The following AHR variants were observed in gnomAD, a reference collection of about 807,000 sequenced individuals.
AHR encodes the protein AH-receptor.
AHR carries 40 observed loss-of-function variants against 86.8 expected under a neutral mutation model. The ratio of observed to expected loss-of-function variants is 0.46; its 90% confidence interval spans 0.36 to 0.60. The LOEUF (loss-of-function observed/expected upper bound fraction) is 0.60, where lower values mean the gene tolerates loss of function less well. AHR is among the 20% of genes least tolerant of loss of function. AHR has a pLI of 0.00. For missense variants in AHR, 1,001 were observed against 1,011.6 expected (o/e 0.99, Z 0.14); for synonymous variants, 398 against 354.9 (o/e 1.12, Z -1.37).
chr7:17,339,369 A>AC lies in AHR; in HGVS notation c.1546dup (p.Gln516ProfsTer19). The AC allele has an allele frequency of 6.2e-7, 1 of 1,614,220 alleles. No homozygotes were observed. The highest frequency in any genetic ancestry group is 1.7e-5 in the Admixed American group (1 of 60,028). On this transcript the variant is annotated frameshift_variant, in exon 10 of 11. Transcript: ENST00000242057. ...ACTATCCTGAAACATGAGCAAATTG[A>AC]CCAGCCTCAGGATGTGAACTCATTT...
At chr7:17,333,389 C>T (rs1782320749) in intron 6 of AHR, among the ~76,000 whole-genome samples, 1 of 152,032 alleles carries the variant, frequency 6.6e-6, no homozygotes, top group East Asian at 1.9e-4. Flanking sequence ...TAAATTTCTT[C>T]CATATCTTTA....
rs1356546604 is a variant in AHR, at chr7:17,343,938, A to G, written c.*874A>G. On this transcript the variant is annotated 3_prime_UTR_variant, in exon 11 of 11. Coordinates refer to ENST00000242057, the MANE Select transcript of AHR (RefSeq NM_001621.5). Reference sequence around the variant, plus strand: ...TTAATTATTATAAAAATATTAAGACAATAGCACTTAAATTCCTCAACAGTG... The same window carrying G: ...TTAATTATTATAAAAATATTAAGACGATAGCACTTAAATTCCTCAACAGTG... The G allele has an allele frequency of 6.5e-6, 1 of 152,732 alleles. No homozygotes were observed. The highest frequency in any genetic ancestry group is 2.4e-5 in the African/African-American group (1 of 41,468). 9.5% of individuals were successfully genotyped at this position (152,732 alleles called of 1,614,324 possible). A position where few individuals can be genotyped will look rare whatever the true frequency, so the allele number is the denominator to read the frequency against.
chr7:17,310,114 T>C lies in AHR; in HGVS notation c.244T>C (p.Phe82Leu), dbSNP rs1782047244. ...LSVSYLRAKS[F>L]FDVALKSSPT... ...CGTCAGTTACCTGAGAGCCAAGAGC[T>C]TCTTTGATGGTAAGACAGAAGGGTT... Residue 82 changes from phenylalanine to leucine, a missense_variant, in exon 2 of 11, where the codon TTC (phenylalanine) becomes CTC (leucine). Phe to Leu is a conservative substitution (Grantham distance 22). Around this residue, in one of 2 missense-constraint regions of AHR, gnomAD observed 394 missense variants for 468.5 expected, o/e 0.84. Coordinates refer to ENST00000242057, the MANE Select transcript of AHR (RefSeq NM_001621.5). 6.2e-7 allele frequency: 1 copy of C among 1,613,364 alleles called. No homozygotes were observed. The highest frequency in any genetic ancestry group is 1.7e-5 in the Admixed American group (1 of 59,996).
At position 17,315,928 on chromosome 7, in the gene AHR, G is replaced by A. The variant is rs114366497; in HGVS notation, c.253+5805G>A. 8.4e-3 allele frequency among the ~76,000 whole-genome samples: 1,283 copies of A among 151,894 alleles called. 19 individuals are homozygous for A. Among genetic ancestry groups the A allele is most frequent in the African/African-American group, 0.029 (1,211 of 41,416 alleles). On this transcript the variant is annotated intron_variant, in intron 2 of 10. Coordinates refer to ENST00000242057, the MANE Select transcript of AHR (RefSeq NM_001621.5). ...ATTTAGATTTTAGAGTCATTTTATC[G>A]TCAGAATAACATTTTAAGCCATTAA...
At chr7:17,324,073 G>A (rs1782203045) in intron 3 of AHR, among the ~76,000 whole-genome samples, 1 of 152,092 alleles carries the variant, frequency 6.6e-6, no homozygotes, top group African/African-American at 2.4e-5. Flanking sequence ...CTATGTCAGG[G>A]AAACAGAATA....
rs183291111 is a variant in AHR at position 17,327,496 on chromosome 7, A to C, written c.361-263A>C. ...ATATACAATATATTTAAAAGAGAAA[A>C]TCTGAAACATGAAGAAGATGAATTC... On this transcript the variant is annotated intron_variant, in intron 3 of 10. Transcript: ENST00000242057. Among the ~76,000 whole-genome samples the C allele has an allele frequency of 2.0e-5, 3 of 152,054 alleles. No individual in the cohort carries two copies. The East Asian group carries it at 5.8e-4, about 29-fold the overall frequency.
chr7:17,300,731 T>C (rs1238163754), intron 1 of AHR, among the ~76,000 whole-genome samples: 1 of 152,176 alleles, frequency 6.6e-6, no homozygotes, highest in South Asian at 2.1e-4. Context: ...TTTGTCTTAT[T>C]TGACATTGTC....
At chr7:17,305,260 T>C (rs1461541455) in intron 1 of AHR, among the ~76,000 whole-genome samples, 2 of 152,154 alleles carry the variant, frequency 1.3e-5, no homozygotes, top group African/African-American at 4.8e-5. Context: ...GAAGTTGGGG[T>C]CTATTTGTGC....
intron 9 of AHR, among the ~76,000 whole-genome samples, chr7:17,337,025 C>A (rs758938384): frequency 3.9e-4 from 59 of 151,378 alleles, no homozygotes; most frequent in Non-Finnish European, 6.6e-4. Flanking sequence ...AGCATTACAA[C>A]CCTCATCTTT....
intron 9 of AHR, among the ~76,000 whole-genome samples, chr7:17,336,661 C>T (rs1186247128): frequency 6.6e-6 from 1 of 152,068 alleles, no homozygotes; most frequent in East Asian, 1.9e-4. Flanking sequence ...AATCTTTGAG[C>T]CCATGAACAT....
intron 2 of AHR, among the ~76,000 whole-genome samples, chr7:17,311,372 A>G (rs538210695): frequency 3.1e-4 from 47 of 152,268 alleles, no homozygotes; most frequent in African/African-American, 1.1e-3. Flanking sequence ...CATGTCTAAC[A>G]AGCTCCGAGA....
At position 17,311,677 on chromosome 7, in the gene AHR, A is replaced by C. The variant is rs189583703; in HGVS notation, c.253+1554A>C. ...ATATTTCAAAGTTTCATAGTACACA[A>C]ATTTTCTCTGACCTATATAAAAAGT... is the stretch of plus-strand genomic sequence containing the variant. On this transcript the variant is annotated intron_variant, in intron 2 of 10. Transcript: ENST00000242057. 2.6e-5 allele frequency among the ~76,000 whole-genome samples: 4 copies of C among 152,312 alleles called. No homozygotes were observed. The East Asian group carries it at 7.7e-4, about 29-fold the overall frequency.
intron 1 of AHR, among the ~76,000 whole-genome samples, chr7:17,301,009 G>A (rs913968713): frequency 1.3e-5 from 2 of 151,920 alleles, no homozygotes; most frequent in East Asian, 1.9e-4. Context: ...GTTATTTTGC[G>A]TAAAATGTAC....
chr7:17,339,804 T>C lies in AHR; in HGVS notation c.1979T>C (p.Val660Ala). 6.2e-7 allele frequency: 1 copy of C among 1,614,202 alleles called. No individual in the cohort carries two copies. Among genetic ancestry groups the C allele is most frequent in the East Asian group, 2.2e-5 (1 of 44,886 alleles). Residue 660 changes from valine (V) to alanine (A), a missense_variant, in exon 10 of 11, where the codon GTG becomes GCG. By Grantham distance (64) the Val-to-Ala change is moderately conservative. Transcript: ENST00000242057. ...GAAAATTGGAACTCTAACCAATTCG[T>C]GCCTTTCAATTGTCCACAGCAAGAC... Reference protein sequence around the residue: ...MFENWNSNQFVPFNCPQQDPQ... With the variant: ...MFENWNSNQFAPFNCPQQDPQ...
chr7:17,317,102 T>C (rs1401772126), intron 2 of AHR, among the ~76,000 whole-genome samples: 1 of 140,710 alleles, frequency 7.1e-6, no homozygotes, highest in African/African-American at 2.6e-5. Flanking sequence ...TCACTTGTTT[T>C]AGTGGAGAAT....
intron 10 of AHR, among the ~76,000 whole-genome samples, chr7:17,342,205 A>AACG (rs1782433725): frequency 1.3e-4 from 20 of 152,114 alleles, no homozygotes; most frequent in Admixed American, 1.2e-3. Context: ...AGGCTCTGTA[A>AACG]TCTATAAAAC....
At chr7:17,331,739 A>G (rs7811989) in intron 6 of AHR, among the ~76,000 whole-genome samples, 115,667 of 151,848 alleles carry the variant, frequency 0.76, 44,741 homozygotes, top group African/African-American at 0.87. Flanking sequence ...ACTGTAGGGA[A>G]CAGCTTAGGA....
At chr7:17,308,107 A>G (rs1434158793) in intron 1 of AHR, among the ~76,000 whole-genome samples, 1 of 152,142 alleles carries the variant, frequency 6.6e-6, no homozygotes, top group Admixed American at 6.6e-5. Context: ...TGTAAGCTCC[A>G]TGACAACAGG....
At chr7:17,317,073 C>T (rs1782122045) in intron 2 of AHR, among the ~76,000 whole-genome samples, 1 of 148,812 alleles carries the variant, frequency 6.7e-6, no homozygotes, top group South Asian at 2.1e-4. Flanking sequence ...ATAGTTATTT[C>T]CTGCAGAATC....
Sources: allele counts gnomAD v4.1 joint callset (sites outside exome capture counted in the v4.1 genomes callset), GRCh38; gene constraint gnomAD v4.1.1; regional missense constraint gnomAD v4.1.1; transcripts MANE v1.5; gene names NCBI Gene and HGNC (gene_info 2026-07-23, HGNC 2026-07-21).